PHF24: variants seen among roughly 807,000 people sequenced by gnomAD.
The protein encoded by PHF24 is PHD finger protein 24.
A neutral mutation model predicts 42.6 loss-of-function variants in PHF24; 25 were observed. That is an observed-to-expected ratio of 0.59 (90% CI 0.43 to 0.82). The LOEUF (loss-of-function observed/expected upper bound fraction) is 0.82. PHF24 is among the 40% of genes least tolerant of loss of function. The pLI, the probability that PHF24 is intolerant of heterozygous loss-of-function variation, is 0.00. For synonymous variants in PHF24, 185 were observed against 204.8 expected (o/e 0.90, Z 0.83); for missense variants, 470 against 538.1 (o/e 0.87, Z 1.25).
At chr9:34,955,992 C>G (rs1826362108), upstream of PHF24, among the ~76,000 whole-genome samples, 1 of 151,910 alleles carries the variant, frequency 6.6e-6, no homozygotes, top group Admixed American at 6.6e-5. Flanking sequence ...GTTTTAATAC[C>G]AACAATAATT....
exon 8 of PHF24, chr9:34,978,625 G>A (rs1487819969): frequency 6.5e-6 from 1 of 153,778 alleles, no homozygotes; most frequent in Non-Finnish European, 1.4e-5. Flanking sequence ...ATCCTAATGG[G>A]CCCCGCTTTC....
In PHF24 at chr9:34,958,948, C is replaced by T. The variant is rs970784650; in HGVS notation, c.-5+547C>T. ...AGGACTTTGGCCTCCACCGGGATCC[C>T]TGTAGGGTTCCATGTGCCCTTACTT... is the stretch of plus-strand genomic sequence containing the variant. On this transcript the variant is annotated intron_variant, in intron 1 of 7. Coordinates refer to ENST00000242315, the Ensembl canonical transcript of PHF24. The surrounding 1 kb of genome is among the most constrained non-coding windows in gnomAD (Gnocchi z 4.5). 6.6e-6 allele frequency among the ~76,000 whole-genome samples: 1 copy of T among 152,230 alleles called. No individual in the cohort carries two copies. The highest frequency in any genetic ancestry group is 2.4e-5 in the African/African-American group (1 of 41,464).
the PHF24 span, chr9:34,690,481 G>A: frequency 2.3e-5 from 18 of 771,806 alleles, no homozygotes; most frequent in Middle Eastern, 3.8e-4. Context: ...TGGTGGGGTC[G>A]GGGAGGAGTT....
chr9:34,937,606 C>T, the PHF24 span, among the ~76,000 whole-genome samples: 33 of 151,562 alleles, frequency 2.2e-4, no homozygotes, highest in Middle Eastern at 3.4e-3. Context: ...TGTGACCCTG[C>T]CAAATCCCCC....
At chr9:34,967,975 A>G (rs1826837953) in intron 1 of PHF24, among the ~76,000 whole-genome samples, 1 of 152,252 alleles carries the variant, frequency 6.6e-6, no homozygotes, top group Non-Finnish European at 1.5e-5. Flanking sequence ...GACCCAAAAC[A>G]AAAACAAGTC....
At chr9:34,776,969 T>G in the PHF24 span, among the ~76,000 whole-genome samples, 1 of 152,336 alleles carries the variant, frequency 6.6e-6, no homozygotes, top group South Asian at 2.1e-4. Flanking sequence ...TTTGTATGAT[T>G]TATTTGGCTG....
At chr9:34,736,335 G>T in the PHF24 span, among the ~76,000 whole-genome samples, 1 of 152,044 alleles carries the variant, frequency 6.6e-6, no homozygotes, top group East Asian at 1.9e-4. Flanking sequence ...TTGAGACAGG[G>T]TCTCATTCTC....
chr9:34,972,587 T>A, intron 3 of PHF24, 56 bp downstream of exon 3: 1 of 1,490,288 alleles, frequency 6.7e-7, no homozygotes. Flanking sequence ...GGAGGCCCGG[T>A]CTTAGAACAC....
the PHF24 span, chr9:34,918,049 G>A: frequency 7.5e-7 from 1 of 1,326,894 alleles, no homozygotes; most frequent in Non-Finnish European, 1.1e-6. Flanking sequence ...GATCCCAAAG[G>A]AGGCCTGGAC....
chr9:34,972,774 C>T lies in PHF24; in HGVS notation c.564+243C>T, dbSNP rs563291491. 7.9e-5 allele frequency among the ~76,000 whole-genome samples: 12 copies of T among 152,062 alleles called. No homozygotes were observed. The South Asian group carries it at 1.5e-3, about 18-fold the overall frequency. On this transcript the variant is annotated intron_variant, in intron 3 of 7. Coordinates refer to ENST00000242315, the Ensembl canonical transcript of PHF24. ...ACTAAAAATACAAAAATTAGCTGGG[C>T]GTGGTGGCACGCGCCTGTAGTCCCA...
chr9:34,832,824 T>C, the PHF24 span: 54 of 1,551,596 alleles, frequency 3.5e-5, no homozygotes, highest in African/African-American at 4.2e-4. Context: ...GGCACCACAG[T>C]CTGGGTATTC....
chr9:34,726,611 A>C, the PHF24 span: 2 of 1,551,502 alleles, frequency 1.3e-6, no homozygotes, highest in African/African-American at 1.4e-5. Flanking sequence ...CACATCTGGC[A>C]CTTGAAATTC....
chr9:34,949,972 A>G, the PHF24 span, among the ~76,000 whole-genome samples: 1 of 152,102 alleles, frequency 6.6e-6, no homozygotes, highest in Non-Finnish European at 1.5e-5. Context: ...CTACGTAACA[A>G]ACCTGCATGT....
the PHF24 span, among the ~76,000 whole-genome samples, chr9:34,772,150 G>A: frequency 2.2e-3 from 340 of 152,220 alleles, 1 homozygote; most frequent in Non-Finnish European, 3.7e-3. Context: ...AAGTTATAAT[G>A]AATTAAATTA....
chr9:34,939,472 AAGGAGAGG>A, the PHF24 span, among the ~76,000 whole-genome samples: 1 of 152,078 alleles, frequency 6.6e-6, no homozygotes, highest in African/African-American at 2.4e-5. Context: ...GACCCCTGAG[AAGGAGAGG>A]AGGAAAGAAG....
At chr9:34,812,980 G>A in the PHF24 span, among the ~76,000 whole-genome samples, 144,326 of 152,336 alleles carry the variant, frequency 0.95, 68,643 homozygotes, top group Non-Finnish European at 0.99. Flanking sequence ...TCACTGTTAC[G>A]TTTTTAAAGC....
At chr9:34,729,155 A>G in the PHF24 span, 1 of 1,141,980 alleles carries the variant, frequency 8.8e-7, no homozygotes, top group African/African-American at 1.6e-5. Context: ...CTGAGAAGAA[A>G]AGTATTACAC....
chr9:34,955,633 A>C (rs1474573317), upstream of PHF24, among the ~76,000 whole-genome samples: 1 of 152,244 alleles, frequency 6.6e-6, no homozygotes, highest in Non-Finnish European at 1.5e-5. Context: ...GCCGAGATCA[A>C]GCCACTGCAC....
chr9:34,711,757 G>T, the PHF24 span, among the ~76,000 whole-genome samples: 3 of 151,522 alleles, frequency 2.0e-5, no homozygotes, highest in African/African-American at 7.3e-5. Context: ...TGGCCTGGTT[G>T]GTCTCAAACT....
Sources: allele counts gnomAD v4.1 joint callset (sites outside exome capture counted in the v4.1 genomes callset), GRCh38; gene constraint gnomAD v4.1.1; non-coding constraint Gnocchi (gnomAD v3.1); transcripts MANE v1.5; gene names NCBI Gene and HGNC (gene_info 2026-07-23, HGNC 2026-07-21).